OR10R2: variants seen among roughly 807,000 people sequenced by gnomAD.
The protein encoded by OR10R2 is olfactory receptor family 10 subfamily R member 2.
Under a neutral mutation model 2.4 loss-of-function variants are expected in OR10R2, and 1 was observed. The ratio of observed to expected loss-of-function variants is 0.41; its 90% CI spans 0.15 to 1.95. The LOEUF (loss-of-function observed/expected upper bound fraction) is 1.95. OR10R2 is among the 30% of genes most tolerant of loss of function. The pLI is 0.30. For synonymous variants in OR10R2, 166 were observed against 144.8 expected, an observed-to-expected ratio of 1.15 and a Z score of -1.05; for missense variants, 419 against 373.0, an observed-to-expected ratio of 1.12 and a Z score of -1.01.
chr1:158,473,104 A>C (rs557839358), intron 1 of OR10R2, among the ~76,000 whole-genome samples: 43 of 152,342 alleles, frequency 2.8e-4, no homozygotes, highest in African/African-American at 9.9e-4. Context: ...GCTTGCTGGA[A>C]GTATCTTTAC....
exon 2 of OR10R2, chr1:158,480,198 T>C (rs199880094): frequency 1.2e-6 from 2 of 1,614,006 alleles, no homozygotes; most frequent in Non-Finnish European, 1.7e-6. Context: ...ATCTACTTTC[T>C]GTGGCCAGGA....
chr1:158,478,503 TTA>T (rs536720811), intron 1 of OR10R2, among the ~76,000 whole-genome samples: 264 of 152,160 alleles, frequency 1.7e-3, no homozygotes, highest in Non-Finnish European at 3.1e-3. Flanking sequence ...TAAGATTTAA[TTA>T]ACTGTTACTA....
rs533535844 is a variant in OR10R2, at chr1:158,473,765, T to TTCCTTCCTTCCTCCCTCCC, written c.27+1431_27+1432insCTCCTTCCTTCCTCCCTCC. Among the ~76,000 whole-genome samples the TTCCTTCCTTCCTCCCTCCC allele has an allele frequency of 4.1e-5, 3 of 72,862 alleles. 1 individual carries two copies. Among genetic ancestry groups the TTCCTTCCTTCCTCCCTCCC allele is most frequent in the Non-Finnish European group, 8.7e-5 (3 of 34,306 alleles). The allele number at this position is 72,862 out of a possible 152,430, so 47.8% of individuals were successfully genotyped here. A position where few individuals can be genotyped will look rare whatever the true frequency, so the allele number is the denominator to read the frequency against. On this transcript the variant is annotated intron_variant, in intron 1 of 1. Transcript: ENST00000641067. ...TTTCCCTCCCTTTCTTTATCCTTCC[T>TTCCTTCCTTCCTCCCTCCC]TCCTTCCTTCCTCCCTCCTTCCCTC...
intron 1 of OR10R2, 57 bp from the exon 2 acceptor site, chr1:158,479,881 C>T: frequency 6.3e-7 from 1 of 1,594,130 alleles, no homozygotes; most frequent in Non-Finnish European, 8.6e-7. Context: ...GGAGTGCATG[C>T]CCCAAATTCT....
intron 1 of OR10R2, among the ~76,000 whole-genome samples, chr1:158,474,938 CA>C (rs1048897465): frequency 1.3e-5 from 2 of 149,900 alleles, no homozygotes; most frequent in Non-Finnish European, 1.5e-5. Flanking sequence ...AAGAGACCAG[CA>C]AAAAAAAATT....
intron 1 of OR10R2, among the ~76,000 whole-genome samples, chr1:158,479,378 A>G (rs1656333360): frequency 1.3e-5 from 2 of 152,152 alleles, no homozygotes; most frequent in Admixed American, 1.3e-4. Context: ...TCATTTAGTC[A>G]TATATTTTAT....
chr1:158,477,497 C>A (rs954326772), intron 1 of OR10R2, among the ~76,000 whole-genome samples: 4 of 151,958 alleles, frequency 2.6e-5, no homozygotes, highest in Non-Finnish European at 5.9e-5. Context: ...AGTAGTGTTT[C>A]TATATATCAA....
chr1:158,479,678 T>G (rs1656342041), intron 1 of OR10R2, among the ~76,000 whole-genome samples: 1 of 152,056 alleles, frequency 6.6e-6, no homozygotes, highest in Non-Finnish European at 1.5e-5. Flanking sequence ...ATTATTCTGG[T>G]GGGCCCAAAG....
chr1:158,475,833 T>G (rs1408921622), intron 1 of OR10R2, among the ~76,000 whole-genome samples: 1 of 151,916 alleles, frequency 6.6e-6, no homozygotes, highest in Non-Finnish European at 1.5e-5. Flanking sequence ...TACATTTTTT[T>G]GTATTTTATT....
At chr1:158,479,142 A>G (rs891363159) in intron 1 of OR10R2, among the ~76,000 whole-genome samples, 5 of 152,162 alleles carry the variant, frequency 3.3e-5, no homozygotes, top group African/African-American at 1.2e-4. Context: ...TAAAATGGTG[A>G]CAATTAAATG....
intron 1 of OR10R2, among the ~76,000 whole-genome samples, chr1:158,477,030 G>A (rs1656285794): frequency 6.6e-6 from 1 of 151,948 alleles, no homozygotes; most frequent in Non-Finnish European, 1.5e-5. Context: ...TAGGTTGTCT[G>A]GTTCAATATT....
At chr1:158,479,535 C>A (rs1656337304) in intron 1 of OR10R2, among the ~76,000 whole-genome samples, 1 of 151,944 alleles carries the variant, frequency 6.6e-6, no homozygotes, top group South Asian at 2.1e-4. Flanking sequence ...TTGTAGTAGG[C>A]CAAATAATGA....
chr1:158,478,033 C>G (rs1656303674), intron 1 of OR10R2, among the ~76,000 whole-genome samples: 1 of 152,086 alleles, frequency 6.6e-6, no homozygotes, highest in Non-Finnish European at 1.5e-5. Flanking sequence ...TTCAACAAGG[C>G]TGACAAGAGC....
intron 1 of OR10R2, among the ~76,000 whole-genome samples, chr1:158,477,235 T>G (rs1230432854): frequency 6.6e-6 from 1 of 152,154 alleles, no homozygotes; most frequent in Admixed American, 6.5e-5. Context: ...AACATCATAT[T>G]CAACAAGCAA....
chr1:158,473,136 C>T (rs1656194089), intron 1 of OR10R2, among the ~76,000 whole-genome samples: 1 of 152,186 alleles, frequency 6.6e-6, no homozygotes, highest in Non-Finnish European at 1.5e-5. Flanking sequence ...AAAATACCTA[C>T]AAATTAGTTG....
At chr1:158,479,442 T>C (rs1312658176) in intron 1 of OR10R2, among the ~76,000 whole-genome samples, 1 of 152,222 alleles carries the variant, frequency 6.6e-6, no homozygotes, top group Non-Finnish European at 1.5e-5. Context: ...CACACTTTTT[T>C]GTTAAATCTG....
chr1:158,473,799 TCTGC>T (rs1656210719), intron 1 of OR10R2, among the ~76,000 whole-genome samples: 2 of 39,826 alleles, frequency 5.0e-5, no homozygotes, highest in Non-Finnish European at 9.4e-5. Context: ...TCTTTCCCTC[TCTGC>T]TTCCTTCCTC....
chr1:158,476,374 C>T (rs537531431), intron 1 of OR10R2, among the ~76,000 whole-genome samples: 3 of 151,562 alleles, frequency 2.0e-5, no homozygotes, highest in South Asian at 2.1e-4. Context: ...GGTGAAACCC[C>T]GTCTCTACTA....
At position 158,475,067 on chromosome 1, in the gene OR10R2, G is replaced by A. The variant is rs1238145818; in HGVS notation, c.27+2715G>A. On this transcript the variant is annotated intron_variant, in intron 1 of 1. Coordinates refer to ENST00000641067, the Ensembl canonical transcript of OR10R2. ...AATAATCACAGCCTGTTTCATAGAT[G>A]AGACAACTACAATATAGCGAGGTTA... Among the ~76,000 whole-genome samples the A allele has an allele frequency of 6.6e-5, 10 of 152,170 alleles. 1 individual carries two copies. In the Middle Eastern group the frequency reaches 0.024, roughly 362 times the overall value.
Sources: gnomAD v4.1 joint callset for allele counts (sites outside exome capture counted in the v4.1 genomes callset) on GRCh38, gnomAD v4.1.1 for gene constraint, MANE v1.5 for transcripts, NCBI Gene and HGNC (gene_info 2026-07-23, HGNC 2026-07-21) for gene names.